Variants in HYAL1 observed in about 807,000 individuals in gnomAD.
HYAL1 encodes the protein hyaluronidase 1.
A neutral mutation model predicts 28.8 loss-of-function variants in HYAL1; 21 were observed. The ratio of observed to expected loss-of-function variants is 0.73; its 90% CI spans 0.52 to 1.05. HYAL1 has a LOEUF of 1.05. Ranked by LOEUF, HYAL1 falls within the 50% of genes least tolerant of loss-of-function variation. The pLI is 0.00. For missense variants in HYAL1, 491 were observed against 579.2 expected (o/e 0.85, Z 1.56); for synonymous variants, 200 against 230.1 (o/e 0.87, Z 1.18).
intron 1 of HYAL1, chr3:50,312,117 G>A (rs1432177793): frequency 1.3e-5 from 2 of 151,158 alleles, no homozygotes; most frequent in African/African-American, 2.5e-5. Context: ...CGGGCGGGGG[G>A]CTGACCCCCC....
rs373591585 is a variant in HYAL1, at chr3:50,302,855, G to A, written c.102C>T (p.Thr34=). The part of the protein sequence containing the change: ...GPLLPNRPFT[T]VWNANTQWCL... ...ACCACTGGGTGTTTGCATTCCAGAC[G>A]GTGGTGAAGGGCCGGTTGGGTAGCA... is the stretch of plus-strand genomic sequence containing the variant. Residue 34 remains threonine, a synonymous_variant, in exon 2 of 4, where the codon ACC becomes ACT. Transcript: ENST00000395144. This position sits in a 1 kb window ranked among gnomAD's most constrained non-coding sequence, Gnocchi z 5.0. 40 of 1,613,788 alleles carry A rather than the reference G, an allele frequency of 2.5e-5. No individual in the cohort carries two copies. Among genetic ancestry groups the A allele is most frequent in the East Asian group, 4.5e-5 (2 of 44,886 alleles).
intron 2 of HYAL1, among the ~76,000 whole-genome samples, chr3:50,308,898 T>C (rs1188498816): frequency 6.7e-6 from 1 of 149,286 alleles, no homozygotes; most frequent in East Asian, 2.0e-4. Flanking sequence ...ACCTGGCTAA[T>C]TTTTGTATTT....
chr3:50,304,322 T>G (rs1358701372), upstream of HYAL1, among the ~76,000 whole-genome samples: 1 of 90,506 alleles, frequency 1.1e-5, no homozygotes, highest in African/African-American at 3.9e-5. Flanking sequence ...TATATATATA[T>G]ATATATATAT....
intron 1 of HYAL1, among the ~76,000 whole-genome samples, chr3:50,311,927 T>C (rs587629016): frequency 0.014 from 1,843 of 132,206 alleles, 60 homozygotes; most frequent in Non-Finnish European, 0.021. Context: ...ATGGGGTGGC[T>C]GGCCGGCCAG....
intron 1 of HYAL1, among the ~76,000 whole-genome samples, chr3:50,311,575 AC>A (rs1419720393): frequency 1.9e-5 from 2 of 103,672 alleles, no homozygotes; most frequent in African/African-American, 7.3e-5. Context: ...CGGGGGGCTG[AC>A]CCCCCCACCT....
At chr3:50,310,869 T>C (rs1344634682) in intron 1 of HYAL1, among the ~76,000 whole-genome samples, 2 of 151,400 alleles carry the variant, frequency 1.3e-5, no homozygotes, top group Non-Finnish European at 3.0e-5. Context: ...TTAATCCATT[T>C]AACCCTGAGT....
At position 50,301,088 on chromosome 3, in the gene HYAL1, G is replaced by A; in HGVS notation, c.901-11C>T. The stretch of plus-strand genomic sequence containing the variant: ...GTGCTCCAGCTCATCCTGGGAAGGA[G>A]ACAGCACAGCTCTGTGGGGCCTCCT... On this transcript the variant is annotated splice_polypyrimidine_tract_variant and intron_variant, in intron 2 of 3. Transcript: ENST00000395144. The A allele has an allele frequency of 1.3e-6, 2 of 1,593,226 alleles. No individual in the cohort carries two copies. The highest frequency in any genetic ancestry group is 8.6e-7 in the Non-Finnish European group (1 of 1,161,602).
chr3:50,307,798 CTT>C (rs782024439), upstream of HYAL1, among the ~76,000 whole-genome samples: 11 of 135,090 alleles, frequency 8.1e-5, no homozygotes, highest in South Asian at 2.3e-4. Flanking sequence ...AACCCAAAAA[CTT>C]TTTTTTTTTT....
upstream of HYAL1, among the ~76,000 whole-genome samples, chr3:50,307,857 G>A (rs1252756518): frequency 1.1e-4 from 16 of 146,180 alleles, no homozygotes; most frequent in Non-Finnish European, 4.5e-5. Context: ...GTGCAGTGGC[G>A]CAATCTCGGC....
At position 50,302,142 on chromosome 3, in the gene HYAL1, AC is replaced by A; in HGVS notation, c.814del (p.Val272TrpfsTer51). 6.2e-7 allele frequency: 1 copy of A among 1,614,204 alleles called. No individual in the cohort carries two copies. ...ATTGGGGTCACCAGCAGCCACAGCC[AC>A]ACGGAATGCCTCGGCCACACGGTGT... ...VQHRVAEAFR[V>X]AVAAGDPNLP... On this transcript the variant is annotated frameshift_variant, in exon 2 of 4. Coordinates refer to ENST00000395144, the MANE Select transcript of HYAL1 (RefSeq NM_033159.4). LOFTEE classifies it high-confidence loss of function. The surrounding 1 kb of genome is among the most constrained non-coding windows in gnomAD (Gnocchi z 5.0).
rs201665337 is a variant in HYAL1 at position 50,300,688 on chromosome 3, C to T, written c.1103G>A (p.Arg368His). 59 of 1,613,596 alleles carry T rather than the reference C, an allele frequency of 3.7e-5. No homozygotes were observed. The highest frequency in any genetic ancestry group is 2.2e-4 in the Admixed American group (13 of 59,934). ...CSQALCSGHG[R>H]CVRRTSHPKA... ...GGGGTGGCTGGTGCGGCGGACACAG[C>T]GGCCATGGCCGGAGCACAGGGCTTG... is the stretch of plus-strand genomic sequence containing the variant. Residue 368 changes from arginine to histidine, a missense_variant, in exon 4 of 4, where the codon CGC becomes CAC. By Grantham distance (29) the Arg-to-His change is conservative. Coordinates refer to ENST00000395144, the MANE Select transcript of HYAL1 (RefSeq NM_033159.4).
At position 50,300,668 on chromosome 3, in the gene HYAL1, G is replaced by C. The variant is rs1702092755; in HGVS notation, c.1123C>G (p.His375Asp). The change falls in exon 4 of 4, where the codon CAC becomes GAC. Residue 375 changes from histidine to aspartate, a missense_variant. Coordinates refer to ENST00000395144, the MANE Select transcript of HYAL1 (RefSeq NM_033159.4). Reference protein sequence around the residue: ...GHGRCVRRTSHPKALLLLNPA... With the variant: ...GHGRCVRRTSDPKALLLLNPA... ...TTAAGGAGGAGGAGGGCTTTGGGGTGGCTGGTGCGGCGGACACAGCGGCCA... is the reference window on the plus strand; with the variant it reads ...TTAAGGAGGAGGAGGGCTTTGGGGTCGCTGGTGCGGCGGACACAGCGGCCA... 1 of 1,613,962 alleles carries C rather than the reference G, an allele frequency of 6.2e-7. No individual in the cohort carries two copies.
intron 1 of HYAL1, among the ~76,000 whole-genome samples, chr3:50,311,097 T>C (rs1291629346): frequency 6.6e-6 from 1 of 152,048 alleles, no homozygotes; most frequent in Non-Finnish European, 1.5e-5. Flanking sequence ...TCATGGCCCG[T>C]TCTCAATGAG....
upstream of HYAL1, among the ~76,000 whole-genome samples, chr3:50,308,379 G>C (rs1702380039): frequency 6.6e-6 from 1 of 151,122 alleles, no homozygotes; most frequent in South Asian, 2.1e-4. Flanking sequence ...CGCCTGCCTT[G>C]GCCTCCCAAA....
At chr3:50,303,030 C>A in intron 1 of HYAL1, 50 bp from the exon 2 acceptor site, 2 of 1,408,922 alleles carry the variant, frequency 1.4e-6, no homozygotes, top group Admixed American at 2.4e-5. Context: ...CTCCGATTCC[C>A]CCACTGCTCA....
intron 2 of HYAL1, among the ~76,000 whole-genome samples, chr3:50,309,051 C>T (rs1284084440): frequency 1.3e-5 from 2 of 151,236 alleles, no homozygotes. Context: ...CAATTTAGTA[C>T]AGTCCTATGA....
At position 50,302,539 on chromosome 3, in the gene HYAL1, T is replaced by TG; in HGVS notation, c.417dup (p.Asn140GlnfsTer22). On this transcript the variant is annotated frameshift_variant, in exon 2 of 4. Transcript: ENST00000395144. LOFTEE classifies it high-confidence loss of function. The surrounding 1 kb of genome is among the most constrained non-coding windows in gnomAD (Gnocchi z 5.0). The stretch of plus-strand genomic sequence containing the variant: ...CGGTAAATGTCCTTGGTGTCCCAGT[T>TG]GAAGGCCCAGCGTGGGCGCCATGCC... The TG allele has an allele frequency of 2.5e-6, 4 of 1,614,162 alleles. No homozygotes were observed. Among genetic ancestry groups the TG allele is most frequent in the Non-Finnish European group, 3.4e-6 (4 of 1,180,026 alleles).
chr3:50,311,525 A>G, intron 1 of HYAL1, among the ~76,000 whole-genome samples: 1 of 124,942 alleles, frequency 8.0e-6, no homozygotes, highest in African/African-American at 3.0e-5. Context: ...GCGGCCGGGC[A>G]GAGGCGCCCC....
rs117179004 is a variant in HYAL1, at chr3:50,300,616, G to A, written c.1175C>T (p.Thr392Met). The change falls in exon 4 of 4, where the codon ACG becomes ATG. Residue 392 changes from threonine (T) to methionine (M), a missense_variant. Coordinates refer to ENST00000395144, the MANE Select transcript of HYAL1 (RefSeq NM_033159.4). ...LNPASFSIQL[T>M]PGGGPLSLRG... ...CAGGCTCAGGGGCCCACCACCAGGC[G>A]TGAGCTGGATGGAGAAACTGGCAGG... is the stretch of plus-strand genomic sequence containing the variant. The A allele has an allele frequency of 2.1e-3, 3,444 of 1,614,200 alleles. 77 individuals carry two copies. The East Asian group carries it at 0.055, about 26-fold the overall frequency.
Sources: gnomAD v4.1 joint callset for allele counts (sites outside exome capture counted in the v4.1 genomes callset) on GRCh38, gnomAD v4.1.1 for gene constraint, Gnocchi (gnomAD v3.1) non-coding constraint, MANE v1.5 for transcripts, NCBI Gene and HGNC (gene_info 2026-07-23, HGNC 2026-07-21) for gene names.